Variants in IFT74 observed in about 807,000 individuals in gnomAD.
IFT74 encodes the protein intraflagellar transport 74, also known as intraflagellar transport protein 74 homolog.
In IFT74, 92 loss-of-function variants were observed where a neutral mutation model predicts 96.7. The ratio of observed to expected loss-of-function variants is 0.95; its 90% CI spans 0.80 to 1.13. The LOEUF (loss-of-function observed/expected upper bound fraction) is 1.13, where lower values mean the gene tolerates loss of function less well. IFT74 is among the 50% of genes most tolerant of loss of function. The pLI, the probability that IFT74 is intolerant of heterozygous loss-of-function variation, is 0.00. For synonymous variants in IFT74, 223 were observed against 213.2 expected (o/e 1.05, Z -0.40); for missense variants, 811 against 698.2 (o/e 1.16, Z -1.82).
At chr9:26,996,494 C>T in intron 8 of IFT74, 1 of 1,431,604 alleles carries the variant, frequency 7.0e-7, no homozygotes, top group African/African-American at 1.4e-5. Context: ...GTGATGTTCT[C>T]ATTTTCTAGT....
At position 27,026,846 on chromosome 9, in the gene IFT74, G is replaced by T. The variant is rs183564610; in HGVS notation, c.975-2179G>T. On this transcript the variant is annotated intron_variant, in intron 12 of 19. Transcript: ENST00000380062. ...AGCAGTGCCTAGAGGAACATTCAGAGCATTAAGTGCCTACATCAAAAAGTC... is the reference window on the plus strand; with the variant it reads ...AGCAGTGCCTAGAGGAACATTCAGATCATTAAGTGCCTACATCAAAAAGTC... 7.9e-5 allele frequency among the ~76,000 whole-genome samples: 12 copies of T among 152,220 alleles called. No individual in the cohort carries two copies. In the East Asian group the frequency reaches 2.3e-3, roughly 29 times the overall value.
At chr9:27,059,582 G>A (rs1170562910) in intron 18 of IFT74, among the ~76,000 whole-genome samples, 2 of 152,324 alleles carry the variant, frequency 1.3e-5, no homozygotes, top group East Asian at 1.9e-4. Flanking sequence ...AGAAACTGCT[G>A]ACTGCTTCCT....
At chr9:27,054,621 C>G (rs1486915946) in intron 16 of IFT74, among the ~76,000 whole-genome samples, 1 of 152,194 alleles carries the variant, frequency 6.6e-6, no homozygotes, top group Non-Finnish European at 1.5e-5. Context: ...TGCCCTCTCA[C>G]TAAAGTTACT....
chr9:27,033,153 G>A (rs1222211175), intron 13 of IFT74, among the ~76,000 whole-genome samples: 2 of 152,138 alleles, frequency 1.3e-5, no homozygotes, highest in African/African-American at 4.8e-5. Context: ...CTGAGCTTGA[G>A]TCTTTTCATT....
intron 17 of IFT74, 81 bp downstream of exon 17, chr9:27,055,853 G>A (rs1438773697): frequency 5.7e-6 from 5 of 878,482 alleles, no homozygotes; most frequent in Non-Finnish European, 8.2e-6. Flanking sequence ...GTGGTTTATA[G>A]GATTTATTAT....
chr9:26,978,563 A>T (rs1474820124), intron 3 of IFT74, among the ~76,000 whole-genome samples: 1 of 152,194 alleles, frequency 6.6e-6, no homozygotes, highest in Non-Finnish European at 1.5e-5. Context: ...GAGCTATTTC[A>T]GTCTTCATTT....
intron 13 of IFT74, among the ~76,000 whole-genome samples, chr9:27,039,226 T>C (rs996855011): frequency 6.6e-6 from 1 of 152,150 alleles, no homozygotes; most frequent in African/African-American, 2.4e-5. Context: ...AAGACAGGAT[T>C]CACTATTTTG....
At chr9:26,954,374 A>G (rs1451316618), upstream of IFT74, among the ~76,000 whole-genome samples, 2 of 152,146 alleles carry the variant, frequency 1.3e-5, no homozygotes, top group East Asian at 3.9e-4. Flanking sequence ...CCAGTCAAAT[A>G]ATTTCTTTGC....
At chr9:27,053,653 G>A (rs1820029659) in intron 16 of IFT74, among the ~76,000 whole-genome samples, 1 of 152,074 alleles carries the variant, frequency 6.6e-6, no homozygotes, top group Non-Finnish European at 1.5e-5. Context: ...TTTTCATTGC[G>A]GACCTGTTGT....
chr9:26,979,142 G>A (rs1480793523), intron 3 of IFT74, among the ~76,000 whole-genome samples: 1 of 147,200 alleles, frequency 6.8e-6, no homozygotes, highest in Non-Finnish European at 1.5e-5. Flanking sequence ...TCCCTTTCAA[G>A]AGACTTAAAT....
chr9:26,980,223 A>G (rs1176214897), intron 3 of IFT74, among the ~76,000 whole-genome samples: 1 of 152,210 alleles, frequency 6.6e-6, no homozygotes, highest in East Asian at 1.9e-4. Context: ...ACTTTATTGG[A>G]CAGTGTTAAT....
chr9:26,976,108 T>G (rs888612531), intron 2 of IFT74, among the ~76,000 whole-genome samples: 2 of 152,198 alleles, frequency 1.3e-5, no homozygotes, highest in Non-Finnish European at 2.9e-5. Flanking sequence ...AGCCTCTCCT[T>G]TCCCCATTGC....
Position 27,028,907 on chromosome 9 carries a change from A to G in IFT74, c.975-118A>G, listed in dbSNP as rs1490584185. 8.1e-6 allele frequency: 7 copies of G among 861,708 alleles called. No homozygotes were observed. The African/African-American group carries it at 8.6e-5, about 11-fold the overall frequency. 53.4% of individuals were successfully genotyped at this position (861,708 alleles called of 1,614,324 possible). The stretch of plus-strand genomic sequence containing the variant: ...GTTATAGTATTGTCCTTAGAATAAG[A>G]CATATTATTTTTAGATATTGTTTAT... On this transcript the variant is annotated intron_variant, in intron 12 of 19. Coordinates refer to ENST00000380062, the MANE Select transcript of IFT74 (RefSeq NM_025103.4).
At chr9:27,018,529 A>C in intron 11 of IFT74, 118 bp from the exon 12 acceptor site, 1 of 473,860 alleles carries the variant, frequency 2.1e-6, no homozygotes, top group Admixed American at 3.9e-5. Context: ...AATAGATTTC[A>C]AGAAAGAGAG....
At chr9:26,948,013 C>T (rs1341905385) in intron 1 of IFT74, among the ~76,000 whole-genome samples, 1 of 152,172 alleles carries the variant, frequency 6.6e-6, no homozygotes, top group African/African-American at 2.4e-5. Flanking sequence ...ATCCGCTATT[C>T]TCTCGCATCC....
chr9:26,981,433 G>T (rs1827369825), intron 4 of IFT74, among the ~76,000 whole-genome samples: 1 of 150,364 alleles, frequency 6.7e-6, no homozygotes, highest in Admixed American at 6.6e-5. Context: ...TTTTTTTTTT[G>T]AGACAGAGTC....
chr9:27,030,384 C>T (rs1321706918), intron 13 of IFT74, among the ~76,000 whole-genome samples: 1 of 151,856 alleles, frequency 6.6e-6, no homozygotes, highest in Non-Finnish European at 1.5e-5. Flanking sequence ...TCTGCCACTA[C>T]ATCCAGCTAA....
At chr9:26,978,770 A>G (rs1827232933) in intron 3 of IFT74, among the ~76,000 whole-genome samples, 1 of 152,090 alleles carries the variant, frequency 6.6e-6, no homozygotes, top group African/African-American at 2.4e-5. Context: ...TTTTCTGATA[A>G]TTAGCATCTG....
chr9:27,026,684 G>A (rs1434343184), intron 12 of IFT74, among the ~76,000 whole-genome samples: 1 of 152,128 alleles, frequency 6.6e-6, no homozygotes, highest in East Asian at 1.9e-4. Context: ...TAAAAACCAT[G>A]CAGATACATG....
Sources: allele counts gnomAD v4.1 joint callset (sites outside exome capture counted in the v4.1 genomes callset), GRCh38; gene constraint gnomAD v4.1.1; transcripts MANE v1.5; gene names NCBI Gene and HGNC (gene_info 2026-07-23, HGNC 2026-07-21).